Variants in ASCC3 observed in about 807,000 individuals in gnomAD.
The protein encoded by ASCC3 is activating signal cointegrator 1 complex subunit 3.
In ASCC3, 158 loss-of-function variants were observed where a neutral mutation model predicts 256.3. That is an observed-to-expected ratio of 0.62 (90% CI 0.54 to 0.70). The LOEUF is 0.70. ASCC3 is among the 30% of genes least tolerant of loss of function. ASCC3 has a pLI of 0.00. For missense variants in ASCC3, 2,259 were observed against 2,626.0 expected, an observed-to-expected ratio of 0.86 and a Z score of 3.05; for synonymous variants, 948 against 883.4, an observed-to-expected ratio of 1.07 and a Z score of -1.30.
chr6:100,617,739 T>A (rs898661119), intron 30 of ASCC3, among the ~76,000 whole-genome samples: 3 of 152,180 alleles, frequency 2.0e-5, no homozygotes, highest in African/African-American at 7.2e-5. Flanking sequence ...CAGAACCCTC[T>A]CTTCTACAGT....
At chr6:100,749,713 T>G (rs1053423355) in intron 10 of ASCC3, among the ~76,000 whole-genome samples, 5 of 151,914 alleles carry the variant, frequency 3.3e-5, no homozygotes, top group Non-Finnish European at 7.4e-5. Context: ...GTAGTAAATA[T>G]GTCTATGTAT....
In ASCC3 at chr6:100,775,801, T is replaced by C. The variant is rs755513530; in HGVS notation, c.1396-8456A>G. 6.6e-5 allele frequency among the ~76,000 whole-genome samples: 10 copies of C among 151,932 alleles called. No individual in the cohort carries two copies. In the South Asian group the frequency reaches 1.0e-3, roughly 16 times the overall value. On this transcript the variant is annotated intron_variant, in intron 8 of 41. Coordinates refer to ENST00000369162, the MANE Select transcript of ASCC3 (RefSeq NM_006828.4). The stretch of plus-strand genomic sequence containing the variant: ...GAAATAATTTTCACCAATAAACTTG[T>C]TGGTAAAAATAAAAGGAATGTGCTC...
intron 13 of ASCC3, among the ~76,000 whole-genome samples, chr6:100,703,131 T>C (rs1399108493): frequency 3.3e-5 from 5 of 152,140 alleles, no homozygotes; most frequent in Non-Finnish European, 2.9e-5. Flanking sequence ...TCTCCACTGA[T>C]ACTTCTAAAT....
chr6:100,840,421 A>G (rs1486268502), intron 4 of ASCC3, among the ~76,000 whole-genome samples: 2 of 150,540 alleles, frequency 1.3e-5, no homozygotes, highest in Non-Finnish European at 3.0e-5. Context: ...TCAACCTCCC[A>G]GGCTCAAGCA....
At position 100,650,615 on chromosome 6, in the gene ASCC3, T is replaced by A. The variant is rs1562198339; in HGVS notation, c.3175A>T (p.Ile1059Phe). Residue 1059 changes from isoleucine (I) to phenylalanine (F), a missense_variant, in exon 20 of 42, where the codon ATC becomes TTC. Around this residue, in one of 2 missense-constraint regions of ASCC3, gnomAD observed 1,839 missense variants for 2,206.7 expected, o/e 0.83. Coordinates refer to ENST00000369162, the MANE Select transcript of ASCC3 (RefSeq NM_006828.4). Reference sequence around the variant, plus strand: ...CGGCTGATATAAGTTTGAAGTAAGATGTTTATTTTCCCATAACTATTCTCT... The same window carrying A: ...CGGCTGATATAAGTTTGAAGTAAGAAGTTTATTTTCCCATAACTATTCTCT... ...GVENSYGKIN[I>F]LLQTYISRGE... 1 of 1,612,890 alleles carries A rather than the reference T, an allele frequency of 6.2e-7. No individual in the cohort carries two copies.
In ASCC3 at chr6:100,516,163, T is replaced by C; in HGVS notation, c.6075+17A>G. ...CAGAGTAGGGGAGCCTTCAAAACAC[T>C]TAAGAGATGGTCTTACCTGTTTCGT... On this transcript the variant is annotated intron_variant, in intron 39 of 41. Coordinates refer to ENST00000369162, the MANE Select transcript of ASCC3 (RefSeq NM_006828.4). 1 of 1,613,416 alleles carries C rather than the reference T, an allele frequency of 6.2e-7. No individual in the cohort carries two copies. The highest frequency in any genetic ancestry group is 8.5e-7 in the Non-Finnish European group (1 of 1,179,476).
chr6:100,772,251 A>C (rs1047368424), intron 8 of ASCC3, among the ~76,000 whole-genome samples: 1 of 152,196 alleles, frequency 6.6e-6, no homozygotes, highest in Admixed American at 6.5e-5. Flanking sequence ...TTAATAAAAC[A>C]ATCTAGCAAG....
chr6:100,708,548 G>A (rs571106386), intron 13 of ASCC3, among the ~76,000 whole-genome samples: 99 of 152,136 alleles, frequency 6.5e-4, no homozygotes, highest in African/African-American at 2.3e-3. Flanking sequence ...TGTACCCCGG[G>A]GAACATCTGG....
chr6:100,555,703 T>G (rs746163396), intron 36 of ASCC3, among the ~76,000 whole-genome samples: 2 of 152,218 alleles, frequency 1.3e-5, no homozygotes, highest in Non-Finnish European at 2.9e-5. Context: ...TTAACAATGT[T>G]TAGATATTTT....
At chr6:100,718,330 G>A in intron 11 of ASCC3, 79 bp from the exon 12 acceptor site, 2 of 1,256,920 alleles carry the variant, frequency 1.6e-6, no homozygotes, top group Non-Finnish European at 2.2e-6. Context: ...CCTATTAATA[G>A]GACTTCTAAA....
chr6:100,834,680 A>G (rs1014063133), intron 4 of ASCC3, among the ~76,000 whole-genome samples: 1 of 152,196 alleles, frequency 6.6e-6, no homozygotes, highest in Non-Finnish European at 1.5e-5. Context: ...AAATAAGAGC[A>G]CATTACAAAC....
chr6:100,709,713 G>T (rs1778779329), intron 13 of ASCC3, among the ~76,000 whole-genome samples: 1 of 151,902 alleles, frequency 6.6e-6, no homozygotes, highest in Non-Finnish European at 1.5e-5. Context: ...TGTATATATG[G>T]TATAATTATA....
chr6:100,621,579 C>G (rs991923790), intron 30 of ASCC3, among the ~76,000 whole-genome samples: 15 of 152,050 alleles, frequency 9.9e-5, no homozygotes, highest in Non-Finnish European at 1.8e-4. Flanking sequence ...ATTAAAAAGT[C>G]CAGAAACAAT....
intron 5 of ASCC3, among the ~76,000 whole-genome samples, chr6:100,802,980 C>A (rs556791685): frequency 6.6e-6 from 1 of 152,086 alleles, no homozygotes; most frequent in Admixed American, 6.6e-5. Context: ...TGCTCCCTAG[C>A]CTGAGCAAGA....
chr6:100,751,742 T>C (rs559888347), intron 10 of ASCC3, among the ~76,000 whole-genome samples: 2 of 151,400 alleles, frequency 1.3e-5, no homozygotes, highest in East Asian at 3.9e-4. Context: ...CTCATTTATA[T>C]GGTCACACAC....
At chr6:100,569,698 G>C (rs1450735221) in intron 36 of ASCC3, among the ~76,000 whole-genome samples, 2 of 152,088 alleles carry the variant, frequency 1.3e-5, no homozygotes, top group East Asian at 3.9e-4. Context: ...TTTTAATATA[G>C]TTTGAAGTCA....
intron 4 of ASCC3, among the ~76,000 whole-genome samples, chr6:100,826,604 C>T (rs1398315060): frequency 6.6e-6 from 1 of 152,178 alleles, no homozygotes; most frequent in Non-Finnish European, 1.5e-5. Context: ...TAGAACCACA[C>T]CTTTATGCAG....
At chr6:100,535,334 A>G (rs1484079800) in intron 37 of ASCC3, among the ~76,000 whole-genome samples, 5 of 152,168 alleles carry the variant, frequency 3.3e-5, no homozygotes, top group Non-Finnish European at 7.4e-5. Flanking sequence ...AGAACTGCCA[A>G]TCAGTCATTT....
At chr6:100,518,944 T>G (rs923488464) in intron 37 of ASCC3, among the ~76,000 whole-genome samples, 1 of 152,140 alleles carries the variant, frequency 6.6e-6, no homozygotes, top group Non-Finnish European at 1.5e-5. Context: ...AATGAGGATA[T>G]GAAGACAGGA....
Sources: gnomAD v4.1 joint callset for allele counts (sites outside exome capture counted in the v4.1 genomes callset) on GRCh38, gnomAD v4.1.1 for gene constraint, gnomAD v4.1.1 regional missense constraint, MANE v1.5 for transcripts, NCBI Gene and HGNC (gene_info 2026-07-23, HGNC 2026-07-21) for gene names.